Variants in PNLDC1 observed in about 807,000 individuals in gnomAD.
The protein encoded by PNLDC1 is PARN like ribonuclease domain containing exonuclease 1, also known as poly(A)-specific ribonuclease PNLDC1.
In PNLDC1, 70 loss-of-function variants were observed where a neutral mutation model predicts 82.0. That is an observed-to-expected ratio of 0.85 (90% CI 0.70 to 1.04). The LOEUF (loss-of-function observed/expected upper bound fraction) is 1.04. PNLDC1 is among the 50% of genes least tolerant of loss of function. PNLDC1 has a pLI of 0.00. For synonymous variants in PNLDC1, 280 were observed against 249.3 expected, an observed-to-expected ratio of 1.12 and a Z score of -1.16; for missense variants, 631 against 661.1, an observed-to-expected ratio of 0.95 and a Z score of 0.50.
At chr6:159,814,674 A>G (rs1434802748) in intron 12 of PNLDC1, among the ~76,000 whole-genome samples, 2 of 152,200 alleles carry the variant, frequency 1.3e-5, no homozygotes, top group African/African-American at 4.8e-5. Context: ...TTGTAAATGC[A>G]CAGGCTCTGA....
At chr6:159,803,342 GCTTCC>G in intron 4 of PNLDC1, 32 bp downstream of exon 4, 2 of 1,598,462 alleles carry the variant, frequency 1.3e-6, no homozygotes, top group Non-Finnish European at 1.7e-6. Context: ...AAACATAGGT[GCTTCC>G]CACCTATGTT....
In PNLDC1 at chr6:159,810,079, C is replaced by T; in HGVS notation, c.837C>T (p.Phe279=). Residue 279 remains phenylalanine (F), a synonymous_variant, in exon 10 of 19, where the codon TTC becomes TTT. Transcript: ENST00000392167. ...MMDLLHLHEK[F]FRPLPESYDQ... ...ACCTGCTGCACCTCCATGAGAAGTT[C>T]TTCAGACCCCTCCCAGGTAGGGGCA... 6.2e-7 allele frequency: 1 copy of T among 1,614,026 alleles called. No individual in the cohort carries two copies. The highest frequency in any genetic ancestry group is 1.1e-5 in the South Asian group (1 of 91,064).
In PNLDC1 at chr6:159,820,526, AGGCCTCCTGC is replaced by A. The variant is rs1468968669; in HGVS notation, c.*14_*23del. On this transcript the variant is annotated 3_prime_UTR_variant, in exon 19 of 19. Coordinates refer to ENST00000392167, the MANE Select transcript of PNLDC1 (RefSeq NM_001271862.2). ...GAAGATCTGGTACCTGAGTGCAGCG[AGGCCTCCTGC>A]GGCCACCCTCGGGTCCCCATGCTCT... 9 of 1,613,888 alleles carry A rather than the reference AGGCCTCCTGC, an allele frequency of 5.6e-6. No individual in the cohort carries two copies. In the Admixed American group the frequency reaches 8.3e-5, roughly 15 times the overall value.
At chr6:159,820,432 G>A (rs1782001496) in intron 18 of PNLDC1, 22 bp from the exon 19 acceptor site, 1 of 1,613,680 alleles carries the variant, frequency 6.2e-7, no homozygotes, top group Non-Finnish European at 8.5e-7. Context: ...CCCGGCCACT[G>A]ACACGTGTCA....
In PNLDC1 at chr6:159,816,675, A is replaced by C. The variant is rs2059709600; in HGVS notation, c.1114+79A>C. 10 of 1,287,586 alleles carry C rather than the reference A, an allele frequency of 7.8e-6. No homozygotes were observed. In the African/African-American group the frequency reaches 8.9e-5, roughly 11 times the overall value. 79.8% of individuals were successfully genotyped at this position (1,287,586 alleles called of 1,614,324 possible). A position where few individuals can be genotyped will look rare whatever the true frequency, so the allele number is the denominator to read the frequency against. ...GAGACAGGGTCTCACTCTGTTGCCCAGGCTAGAGTACAGTGGTGAGGATCT... is the reference window on the plus strand; with the variant it reads ...GAGACAGGGTCTCACTCTGTTGCCCCGGCTAGAGTACAGTGGTGAGGATCT... On this transcript the variant is annotated intron_variant, in intron 14 of 18. Transcript: ENST00000392167.
chr6:159,800,337 G>A lies in PNLDC1; in HGVS notation c.30G>A (p.Glu10=). The A allele has an allele frequency of 6.5e-7, 1 of 1,547,804 alleles. No homozygotes were observed. Among genetic ancestry groups the A allele is most frequent in the Non-Finnish European group, 8.7e-7 (1 of 1,146,384 alleles). The change falls in exon 1 of 19, where the codon GAG becomes GAA. Residue 10 remains glutamate (E), a synonymous_variant. Coordinates refer to ENST00000392167, the MANE Select transcript of PNLDC1 (RefSeq NM_001271862.2). ...ACGTGGGCGCCGACGAGTTCGAGGA[G>A]AGCCTCCCTCTGCTGCAGGAGCTCG... MDVGADEFE[E]SLPLLQELVQ...
At chr6:159,816,935 G>C (rs1164836862) in intron 14 of PNLDC1, among the ~76,000 whole-genome samples, 174 bp from the exon 15 acceptor site, 1 of 152,234 alleles carries the variant, frequency 6.6e-6, no homozygotes, top group African/African-American at 2.4e-5. Flanking sequence ...AAGGTGCTGG[G>C]ATTACAGGCA....
upstream of PNLDC1, chr6:159,800,143 G>C: frequency 1.7e-6 from 1 of 584,482 alleles, no homozygotes. Context: ...GCAGGCAGGT[G>C]TGGGCGACGC....
chr6:159,814,621 G>A (rs913833950), intron 12 of PNLDC1, among the ~76,000 whole-genome samples: 10 of 152,156 alleles, frequency 6.6e-5, no homozygotes, highest in African/African-American at 2.4e-4. Flanking sequence ...ATGATACTGA[G>A]GGCTGTGTGT....
intron 12 of PNLDC1, 131 bp downstream of exon 12, chr6:159,813,787 G>T: frequency 2.7e-6 from 2 of 745,852 alleles, no homozygotes; most frequent in South Asian, 3.3e-5. Context: ...GTCTCCTCCA[G>T]CTCCTCCTGC....
Position 159,819,924 on chromosome 6 carries a change from G to C in PNLDC1, c.1533-530G>C, listed in dbSNP as rs1052094428. Among the ~76,000 whole-genome samples the C allele has an allele frequency of 1.3e-5, 2 of 152,144 alleles. No individual in the cohort carries two copies. Among genetic ancestry groups the C allele is most frequent in the Non-Finnish European group, 2.9e-5 (2 of 68,028 alleles). ...GAGGACGTGGGCTTCTCTCAGGAGAGAGGGAATCGCGGAAGTTACAGCAAG... is the reference window on the plus strand; with the variant it reads ...GAGGACGTGGGCTTCTCTCAGGAGACAGGGAATCGCGGAAGTTACAGCAAG... On this transcript the variant is annotated intron_variant, in intron 18 of 18. Transcript: ENST00000392167. This position sits in a 1 kb window ranked among gnomAD's most constrained non-coding sequence, Gnocchi z 4.6.
chr6:159,800,639 C>T (rs564967765), intron 1 of PNLDC1, 133 bp from the exon 2 acceptor site: 1 of 1,595,910 alleles, frequency 6.3e-7, no homozygotes, highest in South Asian at 1.1e-5. Context: ...CCTCCATTTT[C>T]CCTTCCTGAC....
rs529663220 is a variant in PNLDC1, at chr6:159,806,184, C to T, written c.562+101C>T. On this transcript the variant is annotated intron_variant, in intron 7 of 18. Coordinates refer to ENST00000392167, the MANE Select transcript of PNLDC1 (RefSeq NM_001271862.2). ...ACACCCTTTCTTGGGATCCTGGTCC[C>T]AAGTGCCTCATGACTGAGTCTGATG... 46 of 885,636 alleles carry T rather than the reference C, an allele frequency of 5.2e-5. No individual in the cohort carries two copies. The East Asian group carries it at 1.1e-3, about 21-fold the overall frequency. 54.9% of individuals were successfully genotyped at this position (885,636 alleles called of 1,614,324 possible). A position where few individuals can be genotyped will look rare whatever the true frequency, so the allele number is the denominator to read the frequency against.
chr6:159,803,200 GTTTTTGTC>G, intron 3 of PNLDC1, 63 bp from the exon 4 acceptor site: 1 of 1,466,812 alleles, frequency 6.8e-7, no homozygotes, highest in Non-Finnish European at 9.6e-7. Flanking sequence ...TGTTTGAGTT[GTTTTTGTC>G]TTTGTAGTGA....
intron 7 of PNLDC1, among the ~76,000 whole-genome samples, chr6:159,806,692 C>T (rs1781459576): frequency 1.3e-5 from 2 of 152,210 alleles, no homozygotes; most frequent in East Asian, 3.8e-4. Context: ...ATCTTAGTAG[C>T]AGCCTCCTTG....
chr6:159,803,522 T>G, intron 4 of PNLDC1: 1 of 592,428 alleles, frequency 1.7e-6, no homozygotes, highest in Non-Finnish European at 3.0e-6. Flanking sequence ...CCAGCCTTGC[T>G]CTGTACCTTA....
In PNLDC1 at chr6:159,819,405, G is replaced by T. The variant is rs1377998912; in HGVS notation, c.1532+53G>T. The T allele has an allele frequency of 2.7e-6, 4 of 1,505,938 alleles. No homozygotes were observed. Among genetic ancestry groups the T allele is most frequent in the Non-Finnish European group, 3.6e-6 (4 of 1,096,196 alleles). 93.3% of individuals were successfully genotyped at this position (1,505,938 alleles called of 1,614,324 possible). The stretch of plus-strand genomic sequence containing the variant: ...TGTCCTGGGGTCCTGGAGTGCCCGG[G>T]GTCCCAGCATCCCAGCATGGTCTGA... On this transcript the variant is annotated intron_variant, in intron 18 of 18. Transcript: ENST00000392167. The surrounding 1 kb of genome is among the most constrained non-coding windows in gnomAD (Gnocchi z 4.6).
intron 9 of PNLDC1, 114 bp from the exon 10 acceptor site, chr6:159,809,912 G>A: frequency 1.2e-6 from 1 of 842,608 alleles, no homozygotes; most frequent in Non-Finnish European, 2.0e-6. Context: ...GAACTGTCAA[G>A]TGATCAGAAT....
intron 3 of PNLDC1, 125 bp from the exon 4 acceptor site, chr6:159,803,146 T>A: frequency 1.4e-6 from 1 of 711,948 alleles, no homozygotes; most frequent in East Asian, 2.7e-5. Flanking sequence ...TTAAAGATGT[T>A]ATCCTGTTGT....
Sources: allele counts gnomAD v4.1 joint callset (sites outside exome capture counted in the v4.1 genomes callset), GRCh38; gene constraint gnomAD v4.1.1; non-coding constraint Gnocchi (gnomAD v3.1); transcripts MANE v1.5; gene names NCBI Gene and HGNC (gene_info 2026-07-23, HGNC 2026-07-21).